SCAI: variants seen among roughly 807,000 people sequenced by gnomAD.
SCAI encodes suppressor of cancer cell invasion, also known as protein SCAI.
Under a neutral mutation model 92.2 loss-of-function variants are expected in SCAI, and 24 were observed. The ratio of observed to expected loss-of-function variants is 0.26; its 90% CI spans 0.19 to 0.37. SCAI has a LOEUF of 0.37. Among genes scored for constraint, SCAI ranks in the 10% least tolerant of loss-of-function variants. SCAI has a pLI of 1.00. For missense variants in SCAI, 450 were observed against 736.2 expected (o/e 0.61, Z 4.50); for synonymous variants, 261 against 258.6 (o/e 1.01, Z -0.09).
At chr9:125,141,331 T>G (rs1344225862) in intron 2 of SCAI, among the ~76,000 whole-genome samples, 5 of 152,228 alleles carry the variant, frequency 3.3e-5, no homozygotes, top group African/African-American at 1.2e-4. Context: ...GTTTTCTGTG[T>G]ATTAACATCA....
In SCAI at chr9:124,952,740, G is replaced by GTT; in HGVS notation, c.*65_*66dup. Reference sequence around the variant, plus strand: ...GTAACACCACTATGTGTCTTATCACGTTAGAAAACTGCACCATTTAAAATT... The same window carrying GTT: ...GTAACACCACTATGTGTCTTATCACGTTTTAGAAAACTGCACCATTTAAAATT... On this transcript the variant is annotated 3_prime_UTR_variant, in exon 18 of 18. Transcript: ENST00000336505. The GTT allele has an allele frequency of 7.4e-7, 1 of 1,358,958 alleles. No individual in the cohort carries two copies. Among genetic ancestry groups the GTT allele is most frequent in the Non-Finnish European group, 1.0e-6 (1 of 970,286 alleles). The allele number at this position is 1,358,958 out of a possible 1,614,324, so 84.2% of individuals were successfully genotyped here.
At position 125,143,394 on chromosome 9, in the gene SCAI, A is replaced by G; in HGVS notation, c.44T>C (p.Leu15Pro). The G allele has an allele frequency of 1.5e-6, 2 of 1,332,070 alleles. No homozygotes were observed. Among genetic ancestry groups the G allele is most frequent in the East Asian group, 3.6e-5 (1 of 27,724 alleles). 82.5% of individuals were successfully genotyped at this position (1,332,070 alleles called of 1,614,324 possible). ...ARQPQQPRSR[L>P]APRLTGTVEK... ...CACCCAGCCCCCGCACCTGGGGGCCAGGCGACTCCGCGGCTGCTGGGGCTG... is the reference window on the plus strand; with the variant it reads ...CACCCAGCCCCCGCACCTGGGGGCCGGGCGACTCCGCGGCTGCTGGGGCTG... Residue 15 changes from leucine to proline, a missense_variant, in exon 1 of 18, where the codon CTG becomes CCG. Leu to Pro is a moderately conservative substitution (Grantham distance 98, BLOSUM62 -3). Transcript: ENST00000336505.
chr9:125,034,149 G>T (rs527685288), intron 3 of SCAI, among the ~76,000 whole-genome samples: 19 of 152,272 alleles, frequency 1.2e-4, no homozygotes, highest in African/African-American at 4.6e-4. Context: ...AAACTTAAGG[G>T]AGGGAGCTGG....
intron 2 of SCAI, among the ~76,000 whole-genome samples, chr9:125,061,686 G>A (rs1386990162): frequency 6.6e-6 from 1 of 152,142 alleles, no homozygotes; most frequent in East Asian, 1.9e-4. Flanking sequence ...CTTGAGCACA[G>A]GGGTTTGAGG....
intron 3 of SCAI, among the ~76,000 whole-genome samples, chr9:125,035,297 G>C (rs1399316937): frequency 6.6e-6 from 1 of 152,146 alleles, no homozygotes; most frequent in Non-Finnish European, 1.5e-5. Flanking sequence ...CGGGACTGCA[G>C]TGAGCTGTGA....
At chr9:124,983,883 G>C (rs1198153335) in intron 14 of SCAI, among the ~76,000 whole-genome samples, 2 of 152,154 alleles carry the variant, frequency 1.3e-5, no homozygotes, top group African/African-American at 4.8e-5. Flanking sequence ...CTGTGCCTTG[G>C]TTTTCTTATC....
Position 125,004,124 on chromosome 9 carries a change from C to T in SCAI, c.862-554G>A, listed in dbSNP as rs544736205. ...CCAGGAGGCGGAGGTTGCAATGAAC[C>T]GAAATCGCACCATCGTATTCCAGCC... On this transcript the variant is annotated intron_variant, in intron 9 of 17. Coordinates refer to ENST00000336505, the MANE Select transcript of SCAI (RefSeq NM_001144877.3). Among the ~76,000 whole-genome samples, 23 of 151,976 alleles carry T rather than the reference C, an allele frequency of 1.5e-4. No homozygotes were observed. In the South Asian group the frequency reaches 4.4e-3, roughly 29 times the overall value.
Position 125,115,279 on chromosome 9 carries a change from G to C in SCAI, c.98+27354C>G, listed in dbSNP as rs1420401304. ...CCCAGCTACTCGGGAGGCTGAGGCAGGAGAATGACATGAACTCGGGAGGCG... is the reference window on the plus strand; with the variant it reads ...CCCAGCTACTCGGGAGGCTGAGGCACGAGAATGACATGAACTCGGGAGGCG... On this transcript the variant is annotated intron_variant, in intron 2 of 17. Transcript: ENST00000336505. Among the ~76,000 whole-genome samples, 7 of 150,384 alleles carry C rather than the reference G, an allele frequency of 4.7e-5. No individual in the cohort carries two copies. In the Admixed American group the frequency reaches 4.7e-4, roughly 10 times the overall value.
At chr9:125,133,608 G>A (rs1835452421) in intron 2 of SCAI, among the ~76,000 whole-genome samples, 1 of 152,124 alleles carries the variant, frequency 6.6e-6, no homozygotes, top group South Asian at 2.1e-4. Flanking sequence ...ACGTACCAGT[G>A]TACACCCACA....
At chr9:125,133,855 C>T (rs916582926) in intron 2 of SCAI, among the ~76,000 whole-genome samples, 4 of 152,192 alleles carry the variant, frequency 2.6e-5, no homozygotes, top group African/African-American at 9.6e-5. Context: ...ACATTTTGAG[C>T]TGGGGAACTC....
At chr9:125,077,229 G>T (rs188207776) in intron 2 of SCAI, among the ~76,000 whole-genome samples, 26 of 152,284 alleles carry the variant, frequency 1.7e-4, no homozygotes, top group African/African-American at 6.3e-4. Flanking sequence ...GGTAAGAAAA[G>T]AATAAACTTT....
At chr9:124,984,478 G>C (rs567794629) in intron 14 of SCAI, among the ~76,000 whole-genome samples, 2 of 152,252 alleles carry the variant, frequency 1.3e-5, no homozygotes, top group African/African-American at 4.8e-5. Flanking sequence ...TGATGATGGT[G>C]GTATGAGCCA....
chr9:125,104,624 GCC>G (rs1227396851), intron 2 of SCAI, among the ~76,000 whole-genome samples: 1 of 141,900 alleles, frequency 7.0e-6, no homozygotes, highest in African/African-American at 2.6e-5. Flanking sequence ...AAAAAAAAAG[GCC>G]AGTGCAGTGG....
intron 2 of SCAI, among the ~76,000 whole-genome samples, chr9:125,128,345 T>A (rs1368218688): frequency 2.0e-5 from 3 of 150,862 alleles, no homozygotes; most frequent in Non-Finnish European, 4.4e-5. Flanking sequence ...TTTGGCCGGG[T>A]GCGGTGGCCC....
chr9:125,046,491 G>A (rs1833446768), intron 3 of SCAI, among the ~76,000 whole-genome samples: 1 of 149,314 alleles, frequency 6.7e-6, no homozygotes, highest in East Asian at 2.0e-4. Context: ...AGTCATAGGT[G>A]GAAGCTAAAG....
intron 2 of SCAI, among the ~76,000 whole-genome samples, chr9:125,099,132 T>C (rs907771512): frequency 3.9e-5 from 6 of 152,236 alleles, no homozygotes; most frequent in East Asian, 1.9e-4. Context: ...TTTCTGATAC[T>C]GTTAGCTACA....
At chr9:125,094,452 G>C (rs1564410480) in intron 2 of SCAI, among the ~76,000 whole-genome samples, 1 of 152,092 alleles carries the variant, frequency 6.6e-6, no homozygotes, top group South Asian at 2.1e-4. Context: ...TCATCTTATT[G>C]CATTTCTGGT....
rs1016668275 is a variant in SCAI at position 124,959,642 on chromosome 9, G to A, written c.1675-6689C>T. ...GTTGGTGTGCTGCACCCATTAACTC[G>A]TCATTTACATTAGGTATATCTCCTA... is the stretch of plus-strand genomic sequence containing the variant. On this transcript the variant is annotated intron_variant, in intron 17 of 17. Coordinates refer to ENST00000336505, the MANE Select transcript of SCAI (RefSeq NM_001144877.3). 7.3e-5 allele frequency among the ~76,000 whole-genome samples: 11 copies of A among 151,264 alleles called. No homozygotes were observed. In the East Asian group the frequency reaches 2.1e-3, roughly 29 times the overall value.
intron 17 of SCAI, among the ~76,000 whole-genome samples, chr9:124,967,797 C>T (rs1394375410): frequency 1.3e-5 from 2 of 152,174 alleles, no homozygotes; most frequent in East Asian, 3.8e-4. Flanking sequence ...GCTTTTGACA[C>T]TTCAATGCTA....
Sources: gnomAD v4.1 joint callset for allele counts (sites outside exome capture counted in the v4.1 genomes callset) on GRCh38, gnomAD v4.1.1 for gene constraint, MANE v1.5 for transcripts, NCBI Gene and HGNC (gene_info 2026-07-23, HGNC 2026-07-21) for gene names.